The following STXBP5 variants were observed in gnomAD, a reference collection of about 807,000 sequenced individuals.
STXBP5 encodes the protein syntaxin binding protein 5.
A neutral mutation model predicts 152.4 loss-of-function variants in STXBP5; 50 were observed. That is an observed-to-expected ratio of 0.33 (90% CI 0.26 to 0.42). The LOEUF is 0.42. STXBP5 is among the 10% of genes least tolerant of loss of function. The pLI, the probability that STXBP5 is intolerant of heterozygous loss-of-function variation, is 1.00. For synonymous variants in STXBP5, 492 were observed against 494.7 expected (o/e 0.99, Z 0.07); for missense variants, 1,167 against 1,388.6 (o/e 0.84, Z 2.54).
intron 16 of STXBP5, among the ~76,000 whole-genome samples, chr6:147,318,785 G>A (rs1367130851): frequency 1.3e-5 from 2 of 152,086 alleles, no homozygotes; most frequent in Middle Eastern, 3.2e-3. Flanking sequence ...GGATATACAC[G>A]CAATAACATC....
chr6:147,242,068 GA>G (rs1230191927), intron 4 of STXBP5, among the ~76,000 whole-genome samples: 1 of 151,850 alleles, frequency 6.6e-6, no homozygotes, highest in Non-Finnish European at 1.5e-5. Flanking sequence ...TACTGTCCCT[GA>G]AGACCTTCTA....
chr6:147,227,896 T>C (rs1381350420), intron 2 of STXBP5, among the ~76,000 whole-genome samples: 1 of 152,114 alleles, frequency 6.6e-6, no homozygotes, highest in Non-Finnish European at 1.5e-5. Context: ...TTTTCTTCCT[T>C]CTCCCCCACT....
chr6:147,252,853 G>T (rs1428069544), intron 4 of STXBP5, among the ~76,000 whole-genome samples: 1 of 152,148 alleles, frequency 6.6e-6, no homozygotes, highest in Non-Finnish European at 1.5e-5. Flanking sequence ...GGACCAAACG[G>T]ATTCACAGCC....
intron 21 of STXBP5, among the ~76,000 whole-genome samples, chr6:147,347,777 ATAG>A (rs1295343984): frequency 1.3e-5 from 2 of 152,196 alleles, no homozygotes; most frequent in African/African-American, 2.4e-5. Flanking sequence ...AGTTTGAAAT[ATAG>A]TAGTTCCTTT....
Position 147,363,640 on chromosome 6 carries a change from G to A in STXBP5, c.2851G>A (p.Val951Ile). 1 of 1,614,078 alleles carries A rather than the reference G, an allele frequency of 6.2e-7. No individual in the cohort carries two copies. Among genetic ancestry groups the A allele is most frequent in the Non-Finnish European group, 8.5e-7 (1 of 1,180,010 alleles). The stretch of plus-strand genomic sequence containing the variant: ...CTCGTTTGTGCTTCGTGGAGATATT[G>A]TAGCATTGAGTAACAGTATCTGCCT... The part of the protein sequence containing the change: ...ETSFVLRGDI[V>I]ALSNSICLAC... Residue 951 changes from valine to isoleucine, a missense_variant, in exon 24 of 28, where the codon GTA becomes ATA. By Grantham distance (29) the Val-to-Ile change is conservative (BLOSUM62 3). Coordinates refer to ENST00000321680, the MANE Select transcript of STXBP5 (RefSeq NM_001127715.4).
intron 1 of STXBP5, among the ~76,000 whole-genome samples, chr6:147,205,504 G>C (rs1422095465): frequency 6.6e-6 from 1 of 151,948 alleles, no homozygotes; most frequent in Non-Finnish European, 1.5e-5. Flanking sequence ...ATAGAGGTTT[G>C]ATTATTGCTC....
At position 147,388,542 on chromosome 6, in the gene STXBP5, C is replaced by CA. The variant is rs35762289; in HGVS notation, c.*3792dup. The CA allele has an allele frequency of 6.6e-6, 1 of 151,268 alleles. No individual in the cohort carries two copies. The highest frequency in any genetic ancestry group is 1.5e-5 in the Non-Finnish European group (1 of 67,592). 9.4% of individuals were successfully genotyped at this position (151,268 alleles called of 1,614,324 possible). A position where few individuals can be genotyped will look rare whatever the true frequency, so the allele number is the denominator to read the frequency against. ...TTAAAAAGTATGTATATTATCCATA[C>CA]AAAAAGTTATGTTTTACGCTTATAA... On this transcript the variant is annotated 3_prime_UTR_variant, in exon 28 of 28. Transcript: ENST00000321680.
At position 147,327,215 on chromosome 6, in the gene STXBP5, C is replaced by T. The variant is rs1042015179; in HGVS notation, c.2019C>T (p.Gly673=). 2.5e-6 allele frequency: 4 copies of T among 1,613,898 alleles called. No individual in the cohort carries two copies. The highest frequency in any genetic ancestry group is 3.4e-6 in the Non-Finnish European group (4 of 1,179,956). The change falls in exon 18 of 28, where the codon GGC becomes GGT. Residue 673 remains glycine, a synonymous_variant. Transcript: ENST00000321680. ...ACCTGGGCACTATTGAATTATATGG[C>T]TCTAATGATCCTTATCGGAGAGAAC... The part of the protein sequence containing the change: ...LLNLGTIELY[G]SNDPYRREPR...
chr6:147,302,983 A>T (rs1054595847), intron 9 of STXBP5, among the ~76,000 whole-genome samples: 3 of 152,194 alleles, frequency 2.0e-5, no homozygotes, highest in African/African-American at 7.2e-5. Context: ...CTATTTCATT[A>T]TAATGAATTT....
At chr6:147,311,263 T>A (rs972377349) in intron 10 of STXBP5, among the ~76,000 whole-genome samples, 192 bp from the exon 11 acceptor site, 7 of 152,220 alleles carry the variant, frequency 4.6e-5, no homozygotes, top group South Asian at 4.1e-4. Context: ...AGTAAAATAA[T>A]TTTGAAATGG....
intron 14 of STXBP5, 52 bp from the exon 15 acceptor site, chr6:147,315,463 A>G (rs1582932130): frequency 8.0e-7 from 1 of 1,248,240 alleles, no homozygotes; most frequent in South Asian, 1.4e-5. Flanking sequence ...ATGTTACCTT[A>G]TGTTTGATCA....
At chr6:147,220,543 A>G (rs1011321191) in intron 2 of STXBP5, among the ~76,000 whole-genome samples, 1 of 152,024 alleles carries the variant, frequency 6.6e-6, no homozygotes, top group African/African-American at 2.4e-5. Context: ...TGTCTCATAT[A>G]TTTTGACACT....
intron 2 of STXBP5, among the ~76,000 whole-genome samples, chr6:147,210,197 A>T (rs1186518961): frequency 1.3e-5 from 2 of 152,192 alleles, no homozygotes; most frequent in East Asian, 3.9e-4. Flanking sequence ...TTAGGGAGTA[A>T]CTAAAGATGA....
intron 18 of STXBP5, among the ~76,000 whole-genome samples, chr6:147,333,475 A>G (rs914395844): frequency 6.6e-6 from 1 of 152,174 alleles, no homozygotes; most frequent in African/African-American, 2.4e-5. Context: ...GGTGAGCCAA[A>G]ATTGCACCAC....
At chr6:147,241,316 A>G (rs1328315932) in intron 4 of STXBP5, among the ~76,000 whole-genome samples, 1 of 152,202 alleles carries the variant, frequency 6.6e-6, no homozygotes, top group Admixed American at 6.5e-5. Context: ...TCATAACATA[A>G]TAAGGTTCAC....
At chr6:147,233,055 C>T (rs940683790) in intron 2 of STXBP5, among the ~76,000 whole-genome samples, 11 of 151,730 alleles carry the variant, frequency 7.2e-5, no homozygotes, top group African/African-American at 2.4e-4. Flanking sequence ...TTTCTGTATT[C>T]CCAATCTGTT....
intron 2 of STXBP5, among the ~76,000 whole-genome samples, chr6:147,226,151 A>G (rs1236550252): frequency 6.6e-6 from 1 of 152,050 alleles, no homozygotes; most frequent in African/African-American, 2.4e-5. Flanking sequence ...ACAAACAAAC[A>G]AAAAAGCCAG....
chr6:147,270,937 A>G (rs1582871595), intron 7 of STXBP5, among the ~76,000 whole-genome samples: 2 of 152,308 alleles, frequency 1.3e-5, no homozygotes, highest in South Asian at 4.1e-4. Flanking sequence ...TATGATAAAG[A>G]TATGTATTGT....
chr6:147,245,676 G>C (rs1778775378), intron 4 of STXBP5, among the ~76,000 whole-genome samples: 1 of 152,120 alleles, frequency 6.6e-6, no homozygotes, highest in Admixed American at 6.5e-5. Flanking sequence ...ATGGAGTCTT[G>C]GCAGATGTAG....
Sources: gnomAD v4.1 joint callset for allele counts (sites outside exome capture counted in the v4.1 genomes callset) on GRCh38, gnomAD v4.1.1 for gene constraint, MANE v1.5 for transcripts, NCBI Gene and HGNC (gene_info 2026-07-23, HGNC 2026-07-21) for gene names.